CREB5: variants seen among roughly 807,000 people sequenced by gnomAD.
CREB5 encodes the protein cAMP responsive element binding protein 5.
CREB5 carries 19 observed loss-of-function variants against 57.1 expected under a neutral mutation model. The ratio of observed to expected loss-of-function variants is 0.33; its 90% CI spans 0.23 to 0.49. The LOEUF (loss-of-function observed/expected upper bound fraction) is 0.49. CREB5 is among the 20% of genes least tolerant of loss of function. The pLI is 0.99. For missense variants in CREB5, 579 were observed against 671.6 expected (o/e 0.86, Z 1.52); for synonymous variants, 238 against 238.3 (o/e 1.00, Z 0.01).
intron 4 of CREB5, among the ~76,000 whole-genome samples, chr7:28,548,989 G>A (rs1239182233): frequency 2.0e-5 from 3 of 152,120 alleles, no homozygotes; most frequent in Non-Finnish European, 4.4e-5. Context: ...ATAATACACA[G>A]ATATTAAAAG....
chr7:28,480,035 C>T (rs895805453), intron 1 of CREB5, among the ~76,000 whole-genome samples: 1 of 144,222 alleles, frequency 6.9e-6, no homozygotes, highest in Non-Finnish European at 1.5e-5. Flanking sequence ...TCCCCCCCCC[C>T]ACATTATCCA....
rs114734881 is a variant in CREB5 at position 28,740,490 on chromosome 7, C to T, written c.702+16158C>T. 6.1e-3 allele frequency among the ~76,000 whole-genome samples: 933 copies of T among 152,258 alleles called. 10 individuals are homozygous for T. The highest frequency in any genetic ancestry group is 0.021 in the African/African-American group (878 of 41,548). ...TCTGTTGTTTGGGAAACACCAGTCT[C>T]AGAAATCCTTTTGAAGGAATTCTCC... On this transcript the variant is annotated intron_variant, in intron 7 of 10. Transcript: ENST00000357727.
chr7:28,529,939 T>A (rs1411020016), intron 4 of CREB5, among the ~76,000 whole-genome samples: 1 of 152,208 alleles, frequency 6.6e-6, no homozygotes, highest in Non-Finnish European at 1.5e-5. Flanking sequence ...CACCTACTAT[T>A]TGCCAGATAT....
chr7:28,338,424 G>C lies in CREB5; in HGVS notation c.-25+38983G>C, dbSNP rs10245883. On this transcript the variant is annotated intron_variant, in intron 1 of 9. Transcript: ENST00000396299. Reference sequence around the variant, plus strand: ...AGGGAAAAAGTTTTTTTCCTTTAGCGTTTTAAATATGTCATGCCACTCTCT... The same window carrying C: ...AGGGAAAAAGTTTTTTTCCTTTAGCCTTTTAAATATGTCATGCCACTCTCT... Among the ~76,000 whole-genome samples the C allele has an allele frequency of 2.0e-5, 3 of 152,014 alleles. No individual in the cohort carries two copies. In the South Asian group the frequency reaches 6.2e-4, roughly 32 times the overall value.
intron 9 of CREB5, among the ~76,000 whole-genome samples, chr7:28,810,452 A>G (rs955441420): frequency 4.6e-5 from 7 of 152,052 alleles, no homozygotes; most frequent in Non-Finnish European, 4.4e-5. Context: ...GAGGCTGATC[A>G]CTTTGGGAGG....
At chr7:28,534,150 A>G (rs1297555109) in intron 4 of CREB5, among the ~76,000 whole-genome samples, 1 of 152,234 alleles carries the variant, frequency 6.6e-6, no homozygotes, top group Non-Finnish European at 1.5e-5. Context: ...GCTTTGATCC[A>G]CTTGCCCTTC....
At chr7:28,560,801 TGTGTGC>T (rs1795059259) in intron 4 of CREB5, among the ~76,000 whole-genome samples, 4 of 58,630 alleles carry the variant, frequency 6.8e-5, no homozygotes, top group Admixed American at 2.1e-4. Context: ...TTCCACAGTG[TGTGTGC>T]GCGTGTGTGT....
intron 4 of CREB5, among the ~76,000 whole-genome samples, chr7:28,546,888 G>A (rs184096830): frequency 1.3e-5 from 2 of 152,162 alleles, no homozygotes; most frequent in African/African-American, 4.8e-5. Flanking sequence ...TCTTGGTGTG[G>A]ATAGAGCTGG....
At chr7:28,786,962 T>C (rs998444943) in intron 7 of CREB5, among the ~76,000 whole-genome samples, 1 of 152,160 alleles carries the variant, frequency 6.6e-6, no homozygotes, top group African/African-American at 2.4e-5. Flanking sequence ...CAGAATATAG[T>C]GTAAAAACCA....
At chr7:28,604,484 C>T (rs1266364724) in intron 5 of CREB5, among the ~76,000 whole-genome samples, 1 of 152,060 alleles carries the variant, frequency 6.6e-6, no homozygotes, top group African/African-American at 2.4e-5. Context: ...TCTAAATAAC[C>T]ACTTATATTC....
chr7:28,602,851 A>G (rs953102904), intron 5 of CREB5, among the ~76,000 whole-genome samples: 1 of 152,176 alleles, frequency 6.6e-6, no homozygotes, highest in African/African-American at 2.4e-5. Flanking sequence ...ACACACTCAC[A>G]AAACTGCATG....
intron 4 of CREB5, among the ~76,000 whole-genome samples, chr7:28,545,098 C>A (rs1794364694): frequency 6.6e-6 from 1 of 152,090 alleles, no homozygotes; most frequent in Non-Finnish European, 1.5e-5. Context: ...CTGCTTAGAT[C>A]AATATTATGG....
rs1245457420 is a variant in CREB5, at chr7:28,819,286, C to G, written c.*7C>G. On this transcript the variant is annotated 3_prime_UTR_variant, in exon 11 of 11. Coordinates refer to ENST00000357727, the MANE Select transcript of CREB5 (RefSeq NM_182898.4). ...CCTGAATCCGATTCTTTAAAATGCA[C>G]CATCAGACCTGGCCTCCAAGAAGAG... 1.9e-6 allele frequency: 3 copies of G among 1,611,644 alleles called. No homozygotes were observed. The highest frequency in any genetic ancestry group is 2.5e-6 in the Non-Finnish European group (3 of 1,178,780).
At chr7:28,618,108 C>G (rs529005904) in intron 5 of CREB5, among the ~76,000 whole-genome samples, 1 of 152,244 alleles carries the variant, frequency 6.6e-6, no homozygotes, top group Non-Finnish European at 1.5e-5. Context: ...GGCATTGATG[C>G]TGAATGTGAA....
intron 7 of CREB5, among the ~76,000 whole-genome samples, chr7:28,737,539 G>GTATGTA (rs1491217070): frequency 3.7e-5 from 1 of 26,688 alleles, no homozygotes; most frequent in African/African-American, 1.2e-4. Context: ...ATATATATAC[G>GTATGTA]TATATATATA....
At chr7:28,520,716 A>C (rs1052920463) in intron 4 of CREB5, among the ~76,000 whole-genome samples, 1 of 152,260 alleles carries the variant, frequency 6.6e-6, no homozygotes, top group African/African-American at 2.4e-5. Context: ...TCTTCAGAGC[A>C]CACACTTTGT....
Position 28,448,730 on chromosome 7 carries a change from G to C in CREB5, c.3+35813G>C, listed in dbSNP as rs149738239. Among the ~76,000 whole-genome samples, 10 of 152,378 alleles carry C rather than the reference G, an allele frequency of 6.6e-5. No homozygotes were observed. The East Asian group carries it at 1.9e-3, about 29-fold the overall frequency. On this transcript the variant is annotated intron_variant, in intron 1 of 10. Coordinates refer to ENST00000357727, the MANE Select transcript of CREB5 (RefSeq NM_182898.4). ...AGATGGAGTCACAGGAGGAGGAATT[G>C]ACGAGCTAGCTGGGTTTTCAGGTTT...
chr7:28,646,782 T>A (rs1195683557), intron 5 of CREB5, among the ~76,000 whole-genome samples: 1 of 152,168 alleles, frequency 6.6e-6, no homozygotes, highest in Non-Finnish European at 1.5e-5. Context: ...ACTAAATCCT[T>A]TTGCAAATGA....
At chr7:28,725,899 C>G (rs1472655527) in intron 7 of CREB5, among the ~76,000 whole-genome samples, 1 of 152,148 alleles carries the variant, frequency 6.6e-6, no homozygotes, top group Non-Finnish European at 1.5e-5. Context: ...CTGAATTTCT[C>G]TGCCAGTTGA....
Sources: gnomAD v4.1 joint callset for allele counts (sites outside exome capture counted in the v4.1 genomes callset) on GRCh38, gnomAD v4.1.1 for gene constraint, MANE v1.5 for transcripts, NCBI Gene and HGNC (gene_info 2026-07-23, HGNC 2026-07-21) for gene names.